The following PAPOLA variants were observed in gnomAD, a reference collection of about 807,000 sequenced individuals.
PAPOLA encodes the protein polynucleotide adenylyltransferase alpha.
Under a neutral mutation model 100.6 loss-of-function variants are expected in PAPOLA, and 15 were observed. The observed-to-expected ratio is 0.15, with a 90% CI of 0.10 to 0.23. The LOEUF is 0.23. Ranked by LOEUF, PAPOLA falls within the 10% of genes least tolerant of loss-of-function variation. The pLI is 1.00. For synonymous variants in PAPOLA, 293 were observed against 300.0 expected, an observed-to-expected ratio of 0.98 and a Z score of 0.24; for missense variants, 533 against 884.2, an observed-to-expected ratio of 0.60 and a Z score of 5.04.
At chr14:96,532,302 G>A (rs773993665) in intron 7 of PAPOLA, 29 bp from the exon 8 acceptor site, 14 of 1,564,108 alleles carry the variant, frequency 9.0e-6, no homozygotes, top group South Asian at 5.9e-5. Context: ...GTGTGTGTGT[G>A]TGTGTTTTTT....
At chr14:96,518,330 C>G (rs971962235) in intron 1 of PAPOLA, among the ~76,000 whole-genome samples, 1 of 152,056 alleles carries the variant, frequency 6.6e-6, no homozygotes, top group African/African-American at 2.4e-5. Context: ...GAGTATAGAC[C>G]AGAACCCAGT....
chr14:96,532,261 G>A (rs1392169041), intron 7 of PAPOLA, 70 bp from the exon 8 acceptor site: 1 of 1,389,976 alleles, frequency 7.2e-7, no homozygotes, highest in East Asian at 2.6e-5. Context: ...ATTTAATGTT[G>A]TTTTTTTTTG....
At chr14:96,517,796 T>A (rs941212603) in intron 1 of PAPOLA, among the ~76,000 whole-genome samples, 2 of 151,262 alleles carry the variant, frequency 1.3e-5, no homozygotes, top group Non-Finnish European at 2.9e-5. Context: ...CTCCACTTCC[T>A]GGGTTAGAGC....
chr14:96,523,612 C>T (rs1034235146), intron 3 of PAPOLA, among the ~76,000 whole-genome samples: 1 of 152,146 alleles, frequency 6.6e-6, no homozygotes, highest in African/African-American at 2.4e-5. Context: ...TTTAAAATAT[C>T]TAAACATAGG....
At chr14:96,530,382 G>GTT (rs571476137) in intron 6 of PAPOLA, among the ~76,000 whole-genome samples, 1 of 134,856 alleles carries the variant, frequency 7.4e-6, no homozygotes. Context: ...ATGTTTGTTT[G>GTT]TTTTTTTTTT....
At chr14:96,543,824 A>T in intron 14 of PAPOLA, among the ~76,000 whole-genome samples, 1 of 152,050 alleles carries the variant, frequency 6.6e-6, no homozygotes, top group East Asian at 1.9e-4. Context: ...TTCTAAAAAG[A>T]TTATTCTTTT....
chr14:96,522,116 CTT>C (rs754167531), intron 3 of PAPOLA, among the ~76,000 whole-genome samples: 2 of 57,840 alleles, frequency 3.5e-5, no homozygotes, highest in African/African-American at 7.3e-5. Context: ...TTCTTTCTTT[CTT>C]TTTTTTTTTT....
Position 96,535,046 on chromosome 14 carries a change from A to C in PAPOLA, c.909+483A>C, listed in dbSNP as rs547696864. ...AAAAAAATTGGTTTAGATATTTTAGAGATTATAAAAACATGGTTGGGCTAA... is the reference window on the plus strand; with the variant it reads ...AAAAAAATTGGTTTAGATATTTTAGCGATTATAAAAACATGGTTGGGCTAA... On this transcript the variant is annotated intron_variant, in intron 10 of 21. Transcript: ENST00000216277. 2.6e-4 allele frequency: 256 copies of C among 980,112 alleles called. 1 individual carries two copies. The South Asian group carries it at 0.011, about 41-fold the overall frequency. The allele number at this position is 980,112 out of a possible 1,614,324, so 60.7% of individuals were successfully genotyped here. A position where few individuals can be genotyped will look rare whatever the true frequency, so the allele number is the denominator to read the frequency against.
At chr14:96,507,475 G>A (rs2140222693) in intron 1 of PAPOLA, among the ~76,000 whole-genome samples, 2 of 151,820 alleles carry the variant, frequency 1.3e-5, no homozygotes, top group Admixed American at 1.3e-4. Context: ...TTTTAGTAGA[G>A]ACGGGGTTTC....
At chr14:96,554,802 G>C (rs1031387764) in intron 17 of PAPOLA, among the ~76,000 whole-genome samples, 2 of 152,186 alleles carry the variant, frequency 1.3e-5, no homozygotes, top group Non-Finnish European at 2.9e-5. Flanking sequence ...AGTTTCTTGA[G>C]ATGACAGGAG....
chr14:96,505,489 T>G (rs1263210883), intron 1 of PAPOLA, among the ~76,000 whole-genome samples: 1 of 152,148 alleles, frequency 6.6e-6, no homozygotes, highest in Non-Finnish European at 1.5e-5. Flanking sequence ...GTAACCAGTA[T>G]CAGTAGCATT....
chr14:96,563,611 T>C (rs986027160), intron 21 of PAPOLA, among the ~76,000 whole-genome samples: 7 of 152,178 alleles, frequency 4.6e-5, no homozygotes, highest in Admixed American at 1.3e-4. Context: ...TGTACTGATA[T>C]GATACTATGT....
At chr14:96,510,218 T>C (rs1193154453) in intron 1 of PAPOLA, among the ~76,000 whole-genome samples, 4 of 152,162 alleles carry the variant, frequency 2.6e-5, no homozygotes, top group African/African-American at 9.6e-5. Flanking sequence ...TGTTTGTCAT[T>C]TTGATCATTA....
At chr14:96,527,356 A>G in intron 4 of PAPOLA, 74 bp from the exon 5 acceptor site, 1 of 875,070 alleles carries the variant, frequency 1.1e-6, no homozygotes. Flanking sequence ...TCAACATCAA[A>G]TACTACCATG....
chr14:96,555,786 ATTT>A, intron 17 of PAPOLA, 58 bp from the exon 18 acceptor site: 1 of 799,990 alleles, frequency 1.3e-6, no homozygotes, highest in South Asian at 1.9e-5. Flanking sequence ...GATTATTGTA[ATTT>A]TTTTTTTATT....
intron 1 of PAPOLA, among the ~76,000 whole-genome samples, chr14:96,517,937 A>G (rs956906106): frequency 6.6e-6 from 1 of 152,042 alleles, no homozygotes; most frequent in Non-Finnish European, 1.5e-5. Context: ...CCTGGCCTCA[A>G]ATCATCTGCC....
chr14:96,524,187 A>G (rs1420927590), intron 3 of PAPOLA, among the ~76,000 whole-genome samples: 1 of 151,938 alleles, frequency 6.6e-6, no homozygotes, highest in Non-Finnish European at 1.5e-5. Context: ...AGGTAAAAGG[A>G]AATATTGACT....
At chr14:96,551,584 T>C (rs1362328128) in intron 16 of PAPOLA, among the ~76,000 whole-genome samples, 2 of 152,204 alleles carry the variant, frequency 1.3e-5, no homozygotes, top group East Asian at 3.8e-4. Flanking sequence ...ATAAGGAATG[T>C]ATTTTTGTCA....
intron 7 of PAPOLA, chr14:96,532,106 A>G (rs1899068560): frequency 7.6e-7 from 1 of 1,321,626 alleles, no homozygotes; most frequent in Non-Finnish European, 9.6e-7. Context: ...TTCTTTGGTC[A>G]GTGCTTACAA....
Sources: gnomAD v4.1 joint callset for allele counts (sites outside exome capture counted in the v4.1 genomes callset) on GRCh38, gnomAD v4.1.1 for gene constraint, MANE v1.5 for transcripts, NCBI Gene and HGNC (gene_info 2026-07-23, HGNC 2026-07-21) for gene names.